Variants in PSG2 observed in about 807,000 individuals in gnomAD.
The protein encoded by PSG2 is pregnancy-specific beta-1-glycoprotein 2.
Under a neutral mutation model 36.2 loss-of-function variants are expected in PSG2, and 49 were observed. That is an observed-to-expected ratio of 1.35 (90% CI 1.08 to 1.72). The LOEUF is 1.72. Among genes scored for constraint, PSG2 ranks in the 40% most tolerant of loss-of-function variants. The pLI, the probability that PSG2 is intolerant of heterozygous loss-of-function variation, is 0.00. For missense variants in PSG2, 605 were observed against 407.2 expected (o/e 1.49, Z -4.18); for synonymous variants, 261 against 155.6 (o/e 1.68, Z -5.04).
chr19:43,072,004 A>C (rs1416941430), intron 3 of PSG2, 50 bp from the exon 4 acceptor site: 1 of 1,594,494 alleles, frequency 6.3e-7, no homozygotes, highest in Non-Finnish European at 8.6e-7. Context: ...AGGGAAGGGG[A>C]TGCTCCTGGT....
chr19:43,069,803 A>G (rs1568511390), intron 4 of PSG2, among the ~76,000 whole-genome samples: 1 of 151,810 alleles, frequency 6.6e-6, no homozygotes, highest in East Asian at 1.9e-4. Flanking sequence ...GGTTGTAACA[A>G]CAAAAGCATA....
chr19:43,075,763 G>C, intron 2 of PSG2, 131 bp from the exon 3 acceptor site: 2 of 1,493,204 alleles, frequency 1.3e-6, no homozygotes, highest in Admixed American at 2.2e-5. Flanking sequence ...GCAGGTGTGT[G>C]TGTTACAAGA....
At chr19:43,069,207 AAAGATGACATCAATAAATTG>A (rs140446238) in intron 4 of PSG2, among the ~76,000 whole-genome samples, 15,210 of 151,674 alleles carry the variant, frequency 0.1, 1,033 homozygotes, top group Admixed American at 0.15. Flanking sequence ...GAAAGAAATG[AAAGATGACATCAATAAATTG>A]AAGGACATTT....
chr19:43,067,828 G>A (rs1192503035), intron 4 of PSG2, among the ~76,000 whole-genome samples: 1 of 151,334 alleles, frequency 6.6e-6, no homozygotes, highest in Non-Finnish European at 1.5e-5. Flanking sequence ...AGGAATCAGA[G>A]GTTCAGAGAA....
chr19:43,081,026 A>G lies in PSG2; in HGVS notation c.285T>C (p.Tyr95=), dbSNP rs397814325. The G allele has an allele frequency of 4.7e-5, 76 of 1,612,826 alleles. 1 individual carries two copies. The highest frequency in any genetic ancestry group is 2.3e-4 in the South Asian group (21 of 91,042). The part of the protein sequence containing the change: ...DGQIIIYGPA[Y]SGRETAYSNA... ...TGGAATATGCTGTTTCTCGTCCACTATATGCAGGCCCATATATAATTATTT... is the reference window on the plus strand; with the variant it reads ...TGGAATATGCTGTTTCTCGTCCACTGTATGCAGGCCCATATATAATTATTT... The change falls in exon 2 of 6, where the codon TAT becomes TAC. Residue 95 remains tyrosine (Y), a synonymous_variant. Coordinates refer to ENST00000406487, the MANE Select transcript of PSG2 (RefSeq NM_031246.4).
intron 2 of PSG2, among the ~76,000 whole-genome samples, chr19:43,076,562 C>A (rs1345339176): frequency 6.6e-6 from 1 of 151,706 alleles, no homozygotes. Context: ...CTTGCAGATA[C>A]TTTCATTAGA....
Position 43,071,692 on chromosome 19 carries a change from C to A in PSG2, c.964+8G>T. On this transcript the variant is annotated splice_region_variant and intron_variant, in intron 4 of 5. Transcript: ENST00000406487. ...ACCCTACTGCCAAGGATGCTGGGATCCACTTACCAGAGACTTTGACTGTCA... is the reference window on the plus strand; with the variant it reads ...ACCCTACTGCCAAGGATGCTGGGATACACTTACCAGAGACTTTGACTGTCA... 2.5e-6 allele frequency: 4 copies of A among 1,612,960 alleles called. No homozygotes were observed. The highest frequency in any genetic ancestry group is 1.7e-6 in the Non-Finnish European group (2 of 1,179,452).
At chr19:43,068,462 A>G (rs1568510920) in intron 4 of PSG2, among the ~76,000 whole-genome samples, 1 of 142,694 alleles carries the variant, frequency 7.0e-6, no homozygotes, top group Non-Finnish European at 1.5e-5. Context: ...CAACAAAAAA[A>G]AAAAAAAGAA....
chr19:43,064,495 C>T lies in PSG2; in HGVS notation c.*147G>A, dbSNP rs1967713039. ...TTTGTCTTGAATTTCATGAAGGTATCAGCCTGTTCATTAAAATTTTGAAAG... is the reference window on the plus strand; with the variant it reads ...TTTGTCTTGAATTTCATGAAGGTATTAGCCTGTTCATTAAAATTTTGAAAG... On this transcript the variant is annotated 3_prime_UTR_variant, in exon 6 of 6. Transcript: ENST00000406487. 1.2e-5 allele frequency: 7 copies of T among 567,050 alleles called. No individual in the cohort carries two copies. The highest frequency in any genetic ancestry group is 2.0e-5 in the African/African-American group (1 of 50,980). The allele number at this position is 567,050 out of a possible 1,614,324, so 35.1% of individuals were successfully genotyped here. A position where few individuals can be genotyped will look rare whatever the true frequency, so the allele number is the denominator to read the frequency against.
chr19:43,078,874 G>T (rs532927368), intron 2 of PSG2, among the ~76,000 whole-genome samples: 1 of 151,710 alleles, frequency 6.6e-6, no homozygotes, highest in Non-Finnish European at 1.5e-5. Flanking sequence ...CTGTCCCATG[G>T]TCTTGTCCAC....
intron 3 of PSG2, among the ~76,000 whole-genome samples, chr19:43,073,107 G>T (rs1366517784): frequency 3.3e-5 from 5 of 151,776 alleles, no homozygotes; most frequent in African/African-American, 7.3e-5. Flanking sequence ...AAACCCTGAA[G>T]ATACTGAGCA....
At chr19:43,076,971 T>C (rs1967905894) in intron 2 of PSG2, among the ~76,000 whole-genome samples, 1 of 151,550 alleles carries the variant, frequency 6.6e-6, no homozygotes, top group African/African-American at 2.4e-5. Flanking sequence ...CATTTCAGAT[T>C]GTGGATTTCT....
At chr19:43,068,249 AC>A (rs1473091693) in intron 4 of PSG2, among the ~76,000 whole-genome samples, 1 of 151,338 alleles carries the variant, frequency 6.6e-6, no homozygotes, top group East Asian at 1.9e-4. Context: ...AGCATAGGTA[AC>A]CTGGGGAGAC....
intron 1 of PSG2, chr19:43,082,291 C>G (rs142629224): frequency 1.5e-6 from 1 of 680,718 alleles, no homozygotes; most frequent in Non-Finnish European, 2.3e-6. Flanking sequence ...CAGGAACACA[C>G]GACAATACCT....
chr19:43,079,935 G>C lies in PSG2; in HGVS notation c.430+946C>G, dbSNP rs149741377. On this transcript the variant is annotated intron_variant, in intron 2 of 5. Coordinates refer to ENST00000406487, the MANE Select transcript of PSG2 (RefSeq NM_031246.4). ...TTTGTGTTGGTGTGACTCTGGTTCA[G>C]TGACTGTGCCTTCCTGTGCCTCAGT... Among the ~76,000 whole-genome samples, 5 of 151,600 alleles carry C rather than the reference G, an allele frequency of 3.3e-5. No individual in the cohort carries two copies. In the East Asian group the frequency reaches 9.6e-4, roughly 29 times the overall value.
rs202015510 is a variant in PSG2, at chr19:43,071,673, C to T, written c.964+27G>A. 2.4e-4 allele frequency: 392 copies of T among 1,612,728 alleles called. 8 individuals are homozygous for T. The highest frequency in any genetic ancestry group is 2.2e-3 in the Middle Eastern group (13 of 6,046). On this transcript the variant is annotated intron_variant, in intron 4 of 5. Coordinates refer to ENST00000406487, the MANE Select transcript of PSG2 (RefSeq NM_031246.4). Reference sequence around the variant, plus strand: ...CAGATAGACTCCACCTAAAACCCTACTGCCAAGGATGCTGGGATCCACTTA... The same window carrying T: ...CAGATAGACTCCACCTAAAACCCTATTGCCAAGGATGCTGGGATCCACTTA...
intron 5 of PSG2, among the ~76,000 whole-genome samples, chr19:43,065,057 G>A (rs78810802): frequency 0.056 from 8,449 of 151,564 alleles, 671 homozygotes; most frequent in East Asian, 0.34. Flanking sequence ...GGATGGTCTC[G>A]ATCTCCTGAC....
At position 43,071,786 on chromosome 19, in the gene PSG2, G is replaced by A. The variant is rs765986907; in HGVS notation, c.878C>T (p.Thr293Ile). ...GQNLFIPQIT[T>I]KHSGLYVCSV... ...GCAAACATAGAGCCCGCTATGCTTT[G>A]TAGTAATTTGGGGGATAAACAGATT... The change falls in exon 4 of 6, where the codon ACA becomes ATA. Residue 293 changes from threonine (T) to isoleucine (I), a missense_variant. Transcript: ENST00000406487. The A allele has an allele frequency of 1.2e-6, 2 of 1,612,732 alleles. No homozygotes were observed. The highest frequency in any genetic ancestry group is 3.3e-5 in the Admixed American group (2 of 59,960).
intron 1 of PSG2, chr19:43,082,205 A>G (rs1967990346): frequency 3.8e-6 from 1 of 264,436 alleles, no homozygotes; most frequent in African/African-American, 2.8e-5. Context: ...CAGTGGCGCT[A>G]TCTCGGCACG....
Sources: allele counts gnomAD v4.1 joint callset (sites outside exome capture counted in the v4.1 genomes callset), GRCh38; gene constraint gnomAD v4.1.1; transcripts MANE v1.5; gene names NCBI Gene and HGNC (gene_info 2026-07-23, HGNC 2026-07-21).